EVL: variants seen among roughly 807,000 people sequenced by gnomAD.
The protein encoded by EVL is Enah/Vasp-like.
Under a neutral mutation model 59.6 loss-of-function variants are expected in EVL, and 21 were observed. The observed-to-expected ratio is 0.35, with a 90% CI of 0.25 to 0.51. The LOEUF is 0.51. Ranked by LOEUF, EVL falls within the 20% of genes least tolerant of loss-of-function variation. The pLI, the probability that EVL is intolerant of heterozygous loss-of-function variation, is 0.97. For missense variants in EVL, 462 were observed against 546.6 expected (o/e 0.85, Z 1.54); for synonymous variants, 198 against 203.5 (o/e 0.97, Z 0.23).
Position 100,029,341 on chromosome 14 carries a change from G to A in EVL, c.6-55346G>A, listed in dbSNP as rs772054428. Among the ~76,000 whole-genome samples, 170 of 152,198 alleles carry A rather than the reference G, an allele frequency of 1.1e-3. 1 individual carries two copies. Among genetic ancestry groups the A allele is most frequent in the Non-Finnish European group, 1.9e-3 (130 of 68,022 alleles). On this transcript the variant is annotated intron_variant, in intron 1 of 13. Coordinates refer to the EVL transcript ENST00000402714. Reference sequence around the variant, plus strand: ...TTGGTTCTGAAAAGTCAGGCAATGGGTCATTTTGGAGGTAGGGATGTGGGA... The same window carrying A: ...TTGGTTCTGAAAAGTCAGGCAATGGATCATTTTGGAGGTAGGGATGTGGGA...
At chr14:99,977,285 G>A (rs1490639958) in intron 1 of EVL, 1 of 152,050 alleles carries the variant, frequency 6.6e-6, no homozygotes, top group Non-Finnish European at 1.5e-5. Flanking sequence ...CAAAAGATTT[G>A]GGGGGCAGGT....
chr14:99,982,685 G>A (rs899695373), intron 1 of EVL, among the ~76,000 whole-genome samples: 2 of 152,158 alleles, frequency 1.3e-5, no homozygotes, highest in African/African-American at 4.8e-5. Flanking sequence ...ATACGAAGAT[G>A]CATTGTCTTT....
intron 1 of EVL, among the ~76,000 whole-genome samples, chr14:100,038,771 G>GTGTGTGTGTGTGTGT (rs1555415168): frequency 2.1e-5 from 3 of 140,916 alleles, no homozygotes; most frequent in African/African-American, 7.8e-5. Context: ...TGTGCCCTGG[G>GTGTGTGTGTGTGTGT]GTGTGTGTGT....
chr14:100,055,023 A>C (rs1167570377), intron 1 of EVL, among the ~76,000 whole-genome samples: 2 of 152,098 alleles, frequency 1.3e-5, no homozygotes. Flanking sequence ...CAAAATGGTG[A>C]AACCCCGTCT....
At chr14:99,994,868 A>G (rs74088209) in intron 1 of EVL, among the ~76,000 whole-genome samples, 4,027 of 152,290 alleles carry the variant, frequency 0.026, 185 homozygotes, top group African/African-American at 0.092. Context: ...AGAAGGGAAA[A>G]AAGTCTTCAT....
chr14:100,015,766 T>C (rs1169080273), intron 1 of EVL, among the ~76,000 whole-genome samples: 1 of 152,180 alleles, frequency 6.6e-6, no homozygotes, highest in East Asian at 1.9e-4. Flanking sequence ...GGAAGTGTTA[T>C]TTTTAAAAAT....
At chr14:100,111,064 C>G (rs1273346734) in intron 3 of EVL, among the ~76,000 whole-genome samples, 1 of 151,940 alleles carries the variant, frequency 6.6e-6, no homozygotes, top group East Asian at 1.9e-4. Flanking sequence ...TGCCCTAGCT[C>G]CAGGCACCCG....
At chr14:100,020,480 C>G (rs546323549) in intron 1 of EVL, among the ~76,000 whole-genome samples, 1 of 151,424 alleles carries the variant, frequency 6.6e-6, no homozygotes, top group Non-Finnish European at 1.5e-5. Context: ...TGTGTGTGCA[C>G]GCACACACAC....
At chr14:100,017,249 A>G (rs2061058439) in intron 1 of EVL, among the ~76,000 whole-genome samples, 1 of 152,178 alleles carries the variant, frequency 6.6e-6, no homozygotes, top group South Asian at 2.1e-4. Flanking sequence ...GACCTTATGA[A>G]TTGCCCTGAA....
At chr14:100,007,774 GGAGAGA>G (rs369729182) in intron 1 of EVL, among the ~76,000 whole-genome samples, 3 of 150,298 alleles carry the variant, frequency 2.0e-5, no homozygotes, top group African/African-American at 7.3e-5. Context: ...CAGAGAGAGA[GGAGAGA>G]GAGAGAGAGA....
At chr14:100,041,176 A>C (rs2061462281) in intron 1 of EVL, among the ~76,000 whole-genome samples, 1 of 152,188 alleles carries the variant, frequency 6.6e-6, no homozygotes, top group Non-Finnish European at 1.5e-5. Context: ...CAAACCTAGG[A>C]AGGCAGTCAG....
intron 2 of EVL, among the ~76,000 whole-genome samples, chr14:100,089,078 A>G (rs372697911): frequency 6.6e-6 from 1 of 152,246 alleles, no homozygotes; most frequent in East Asian, 1.9e-4. Context: ...CTAAAAGGGC[A>G]ATTGAAAAAG....
In EVL at chr14:99,972,184, C is replaced by CG; in HGVS notation, c.5+132dup. The CG allele has an allele frequency of 4.9e-6, 1 of 205,308 alleles. No homozygotes were observed. Among genetic ancestry groups the CG allele is most frequent in the Non-Finnish European group, 9.8e-6 (1 of 101,524 alleles). 12.7% of individuals were successfully genotyped at this position (205,308 alleles called of 1,614,324 possible). On this transcript the variant is annotated intron_variant, in intron 1 of 13. Transcript: ENST00000402714. This position sits in a 1 kb window ranked among gnomAD's most constrained non-coding sequence, Gnocchi z 4.4. ...GGGCGCGGGGGCTTCCAGAGAACCG[C>CG]GGGGGCTCTGCAGAGATTCGGGGGC...
At chr14:100,023,777 T>A (rs919688647) in intron 1 of EVL, among the ~76,000 whole-genome samples, 2 of 152,176 alleles carry the variant, frequency 1.3e-5, no homozygotes, top group Admixed American at 6.5e-5. Flanking sequence ...TTGCCTTTTT[T>A]AAAAACTTTC....
At chr14:100,134,550 AG>A (rs1446895551) in intron 8 of EVL, 1 of 152,088 alleles carries the variant, frequency 6.6e-6, no homozygotes, top group Non-Finnish European at 1.5e-5. Context: ...CAGGGCCTTC[AG>A]AAGATCCACA....
At chr14:100,134,655 A>T (rs961443614) in intron 8 of EVL, 2 of 152,388 alleles carry the variant, frequency 1.3e-5, no homozygotes, top group Middle Eastern at 3.4e-3. Context: ...CTCTGCAGTG[A>T]ACATGCACTA....
intron 1 of EVL, among the ~76,000 whole-genome samples, chr14:100,037,488 C>G (rs1384208547): frequency 3.3e-5 from 5 of 152,148 alleles, no homozygotes; most frequent in Non-Finnish European, 5.9e-5. Flanking sequence ...TTCTCATGCC[C>G]TTTTGTTAAC....
intron 1 of EVL, among the ~76,000 whole-genome samples, chr14:100,008,315 G>A (rs2060996305): frequency 6.6e-6 from 1 of 152,198 alleles, no homozygotes; most frequent in Non-Finnish European, 1.5e-5. Context: ...AAACACTTGA[G>A]TTAGAAATCA....
intron 6 of EVL, 84 bp from the exon 7 acceptor site, chr14:100,129,479 A>T: frequency 6.3e-7 from 1 of 1,584,222 alleles, no homozygotes; most frequent in African/African-American, 1.3e-5. Flanking sequence ...ACACGCACAC[A>T]GTCCCCTGCA....
Sources: allele counts gnomAD v4.1 joint callset (sites outside exome capture counted in the v4.1 genomes callset), GRCh38; gene constraint gnomAD v4.1.1; non-coding constraint Gnocchi (gnomAD v3.1); transcripts MANE v1.5; gene names NCBI Gene and HGNC (gene_info 2026-07-23, HGNC 2026-07-21).